The following NXPH4 variants were observed in gnomAD, a reference collection of about 807,000 sequenced individuals.
The protein encoded by NXPH4 is neurexophilin-4.
Under a neutral mutation model 21.3 loss-of-function variants are expected in NXPH4, and 8 were observed. That is an observed-to-expected ratio of 0.38 (90% confidence interval 0.22 to 0.68). The LOEUF (loss-of-function observed/expected upper bound fraction) is 0.68, where lower values mean the gene tolerates loss of function less well. Ranked by LOEUF, NXPH4 falls within the 30% of genes least tolerant of loss-of-function variation. The pLI is 0.53. For synonymous variants in NXPH4, 219 were observed against 192.6 expected (o/e 1.14, Z -1.13); for missense variants, 418 against 416.8 (o/e 1.00, Z -0.03).
chr12:57,221,636 A>C (rs2037093281), intron 1 of NXPH4: 2 of 284,314 alleles, frequency 7.0e-6, no homozygotes, highest in Non-Finnish European at 1.4e-5. Context: ...TGAACCCCCC[A>C]GCTGCCGCGC....
rs1241888543 is a variant in NXPH4 at position 57,216,933 on chromosome 12, G to T, written c.-37G>T. The stretch of plus-strand genomic sequence containing the variant: ...CTAGGCCTGGCTCCCGCCTGCCCGA[G>T]ACCCGCCCAGCCTGCCCCGCTCAGC... On this transcript the variant is annotated 5_prime_UTR_variant, in exon 1 of 2. Transcript: ENST00000349394. This position sits in a 1 kb window ranked among gnomAD's most constrained non-coding sequence, Gnocchi z 5.3. 2.0e-6 allele frequency: 3 copies of T among 1,530,552 alleles called. No homozygotes were observed. The highest frequency in any genetic ancestry group is 2.6e-6 in the Non-Finnish European group (3 of 1,137,832). 94.8% of individuals were successfully genotyped at this position (1,530,552 alleles called of 1,614,324 possible). A position where few individuals can be genotyped will look rare whatever the true frequency, so the allele number is the denominator to read the frequency against.
At chr12:57,222,942 T>C (rs1311296229) in intron 1 of NXPH4, among the ~76,000 whole-genome samples, 5 of 152,106 alleles carry the variant, frequency 3.3e-5, no homozygotes, top group African/African-American at 1.2e-4. Context: ...CGGTGGAGAT[T>C]CTAGCCCAGC....
At chr12:57,217,140 C>G (rs2037047818) in intron 1 of NXPH4, 114 bp downstream of exon 1, 11 of 930,594 alleles carry the variant, frequency 1.2e-5, no homozygotes, top group Non-Finnish European at 1.7e-5. Flanking sequence ...AGCGTCCCAA[C>G]TTTGCGCGGC....
In NXPH4 at chr12:57,226,014, C is replaced by A. The variant is rs191180420; in HGVS notation, c.*267C>A. The A allele has an allele frequency of 3.4e-6, 4 of 1,194,026 alleles. No individual in the cohort carries two copies. The highest frequency in any genetic ancestry group is 3.4e-6 in the Non-Finnish European group (3 of 894,192). 74.0% of individuals were successfully genotyped at this position (1,194,026 alleles called of 1,614,324 possible). ...CCCCAGAATAGGCGGGGCTTGGAGG[C>A]GGTCCCAATGTCCCCTGGGTCCACA... On this transcript the variant is annotated 3_prime_UTR_variant, in exon 2 of 2. Coordinates refer to ENST00000349394, the MANE Select transcript of NXPH4 (RefSeq NM_007224.4).
intron 1 of NXPH4, among the ~76,000 whole-genome samples, chr12:57,219,460 C>G (rs2037068960): frequency 6.6e-6 from 1 of 152,222 alleles, no homozygotes; most frequent in South Asian, 2.1e-4. Flanking sequence ...TCACTAATCA[C>G]TAATTACTAA....
At position 57,225,290 on chromosome 12, in the gene NXPH4, C is replaced by T. The variant is rs777333019; in HGVS notation, c.470C>T (p.Pro157Leu). The T allele has an allele frequency of 6.4e-7, 1 of 1,550,982 alleles. No homozygotes were observed. The change falls in exon 2 of 2, where the codon CCC becomes CTC. Residue 157 changes from proline to leucine, a missense_variant. Pro to Leu is a moderately conservative substitution (Grantham distance 98). Transcript: ENST00000349394. Reference protein sequence around the residue: ...LGNLSVSIVPPSKRVEFGGVW... With the variant: ...LGNLSVSIVPLSKRVEFGGVW... Reference sequence around the variant, plus strand: ...AACCTCAGTGTCAGCATCGTGCCGCCCTCCAAGCGTGTCGAGTTCGGAGGA... The same window carrying T: ...AACCTCAGTGTCAGCATCGTGCCGCTCTCCAAGCGTGTCGAGTTCGGAGGA...
In NXPH4 at chr12:57,225,905, G is replaced by A; in HGVS notation, c.*158G>A. On this transcript the variant is annotated 3_prime_UTR_variant, in exon 2 of 2. Coordinates refer to ENST00000349394, the MANE Select transcript of NXPH4 (RefSeq NM_007224.4). ...TTCTCGGGACCCTCAGCTAGCGTGG[G>A]TGCCCTTTTCCTTATGCGGAGTGCC... 1 of 1,441,434 alleles carries A rather than the reference G, an allele frequency of 6.9e-7. No homozygotes were observed. The highest frequency in any genetic ancestry group is 1.5e-5 in the South Asian group (1 of 68,626). The allele number at this position is 1,441,434 out of a possible 1,614,324, so 89.3% of individuals were successfully genotyped here.
At chr12:57,217,367 T>C (rs534296173) in intron 1 of NXPH4, among the ~76,000 whole-genome samples, 9 of 152,282 alleles carry the variant, frequency 5.9e-5, no homozygotes, top group African/African-American at 2.2e-4. Flanking sequence ...TTGCCGTCTT[T>C]CCGCGCCAGT....
chr12:57,222,591 C>T (rs2037102314), intron 1 of NXPH4, among the ~76,000 whole-genome samples: 1 of 152,004 alleles, frequency 6.6e-6, no homozygotes, highest in Admixed American at 6.6e-5. Flanking sequence ...TCAAATGGCC[C>T]ACCCTTCAGC....
At chr12:57,222,070 G>A (rs905733984) in intron 1 of NXPH4, among the ~76,000 whole-genome samples, 12 of 152,162 alleles carry the variant, frequency 7.9e-5, no homozygotes, top group African/African-American at 2.9e-4. Flanking sequence ...GAGCCAGAGG[G>A]AGGATCTTAT....
rs778819781 is a variant in NXPH4, at chr12:57,225,156, C to T, written c.336C>T (p.Tyr112=). 3 of 1,580,762 alleles carry T rather than the reference C, an allele frequency of 1.9e-6. No homozygotes were observed. ...AGATCTTCGGCTGGGGGGACTTCTA[C>T]TTTCGGGTGCATACCCTCAAGTTTT... ...AKKIFGWGDF[Y]FRVHTLKFSL... The change falls in exon 2 of 2, where the codon TAC becomes TAT. Residue 112 remains tyrosine, a synonymous_variant. Transcript: ENST00000349394.
chr12:57,220,237 C>A (rs944900506), intron 1 of NXPH4, among the ~76,000 whole-genome samples: 4 of 152,122 alleles, frequency 2.6e-5, no homozygotes, highest in Admixed American at 1.3e-4. Context: ...CTCCCCCTCT[C>A]CCCCGCCTGC....
intron 1 of NXPH4, among the ~76,000 whole-genome samples, chr12:57,218,779 C>G (rs1565762286): frequency 6.6e-6 from 1 of 152,016 alleles, no homozygotes; most frequent in Non-Finnish European, 1.5e-5. Context: ...TGTGTACACA[C>G]TGCGGGTGTG....
chr12:57,225,917 T>C lies in NXPH4; in HGVS notation c.*170T>C. 1 of 1,437,066 alleles carries C rather than the reference T, an allele frequency of 7.0e-7. No individual in the cohort carries two copies. The highest frequency in any genetic ancestry group is 9.1e-7 in the Non-Finnish European group (1 of 1,100,468). The allele number at this position is 1,437,066 out of a possible 1,614,324, so 89.0% of individuals were successfully genotyped here. ...TCAGCTAGCGTGGGTGCCCTTTTCC[T>C]TATGCGGAGTGCCCGCAAGGCTGGG... On this transcript the variant is annotated 3_prime_UTR_variant, in exon 2 of 2. Coordinates refer to ENST00000349394, the MANE Select transcript of NXPH4 (RefSeq NM_007224.4).
chr12:57,224,683 G>GA (rs1367168862), intron 1 of NXPH4, among the ~76,000 whole-genome samples, 195 bp from the exon 2 acceptor site: 1 of 152,204 alleles, frequency 6.6e-6, no homozygotes, highest in Non-Finnish European at 1.5e-5. Context: ...CCAGATCCAT[G>GA]AAGTGACTGG....
rs776666735 is a variant in NXPH4, at chr12:57,225,325, C to T, written c.505C>T (p.Pro169Ser). The change falls in exon 2 of 2, where the codon CCC becomes TCC. Residue 169 changes from proline (P) to serine (S), a missense_variant. Transcript: ENST00000349394. ...KRVEFGGVWL[P>S]GPVPHPLQST... ...TGTCGAGTTCGGAGGAGTCTGGCTG[C>T]CCGGGCCTGTCCCCCACCCTCTGCA... 11 of 1,559,992 alleles carry T rather than the reference C, an allele frequency of 7.1e-6. No individual in the cohort carries two copies. The Admixed American group carries it at 2.0e-4, about 29-fold the overall frequency.
chr12:57,217,173 C>A, intron 1 of NXPH4, 147 bp downstream of exon 1: 1 of 708,278 alleles, frequency 1.4e-6, no homozygotes. Context: ...GACAGACAGA[C>A]TGCCCGATTC....
In NXPH4 at chr12:57,225,160, C is replaced by A. The variant is rs771787024; in HGVS notation, c.340C>A (p.Arg114=). The change falls in exon 2 of 2, where the codon CGG becomes AGG. Residue 114 remains arginine, a synonymous_variant. Transcript: ENST00000349394. ...KIFGWGDFYF[R]VHTLKFSLLV... ...CTTCGGCTGGGGGGACTTCTACTTT[C>A]GGGTGCATACCCTCAAGTTTTCGCT... The A allele has an allele frequency of 1.3e-6, 2 of 1,581,920 alleles. No individual in the cohort carries two copies. Among genetic ancestry groups the A allele is most frequent in the South Asian group, 1.1e-5 (1 of 88,174 alleles).
At chr12:57,218,653 GATCT>G (rs1358298701) in intron 1 of NXPH4, among the ~76,000 whole-genome samples, 4 of 152,220 alleles carry the variant, frequency 2.6e-5, no homozygotes, top group South Asian at 2.1e-4. Flanking sequence ...TGAGCAATGG[GATCT>G]ATCTGAGTGT....
Sources: allele counts gnomAD v4.1 joint callset (sites outside exome capture counted in the v4.1 genomes callset), GRCh38; gene constraint gnomAD v4.1.1; non-coding constraint Gnocchi (gnomAD v3.1); transcripts MANE v1.5; gene names NCBI Gene and HGNC (gene_info 2026-07-23, HGNC 2026-07-21).